RAPGEF5: variants seen among roughly 807,000 people sequenced by gnomAD.
RAPGEF5 encodes the protein M-Ras-regulated GEF.
A neutral mutation model predicts 125.2 loss-of-function variants in RAPGEF5; 65 were observed. The ratio of observed to expected loss-of-function variants is 0.52; its 90% confidence interval spans 0.43 to 0.64. The LOEUF (loss-of-function observed/expected upper bound fraction) is 0.64. Among genes scored for constraint, RAPGEF5 ranks in the 30% least tolerant of loss-of-function variants. The pLI is 0.00. For missense variants in RAPGEF5, 958 were observed against 1,048.1 expected (o/e 0.91, Z 1.19); for synonymous variants, 391 against 385.9 (o/e 1.01, Z -0.16).
chr7:22,139,800 A>G (rs575789950), intron 21 of RAPGEF5: 2 of 437,640 alleles, frequency 4.6e-6, no homozygotes, highest in South Asian at 5.3e-5. Context: ...ACTATCAGGC[A>G]GGACAGAGGG....
chr7:22,161,923 A>C (rs1784014529), intron 13 of RAPGEF5, among the ~76,000 whole-genome samples: 1 of 152,218 alleles, frequency 6.6e-6, no homozygotes, highest in South Asian at 2.1e-4. Context: ...GAAGCCTATT[A>C]ATTAGAAAAA....
intron 11 of RAPGEF5, among the ~76,000 whole-genome samples, chr7:22,168,692 A>C (rs1784249772): frequency 6.6e-6 from 1 of 152,240 alleles, no homozygotes; most frequent in Non-Finnish European, 1.5e-5. Context: ...CAAAACTCTG[A>C]TATACGAGGT....
intron 9 of RAPGEF5, among the ~76,000 whole-genome samples, chr7:22,217,832 G>A (rs1785678166): frequency 1.3e-5 from 2 of 152,178 alleles, no homozygotes; most frequent in South Asian, 4.1e-4. Context: ...AAAAATGTTA[G>A]TGTTCTGTTT....
intron 3 of RAPGEF5, among the ~76,000 whole-genome samples, chr7:22,312,370 A>T (rs1173101378): frequency 6.6e-6 from 1 of 152,036 alleles, no homozygotes; most frequent in Non-Finnish European, 1.5e-5. Flanking sequence ...CACCACGCCC[A>T]GCTAATTCTT....
intron 21 of RAPGEF5, 68 bp from the exon 22 acceptor site, chr7:22,137,051 G>T: frequency 1.7e-6 from 2 of 1,206,484 alleles, no homozygotes; most frequent in East Asian, 2.5e-5. Flanking sequence ...GCATCGAAGG[G>T]AGTTTTCATT....
chr7:22,334,356 T>C lies in RAPGEF5; in HGVS notation c.232-16319A>G, dbSNP rs528333584. ...GGCAGAAAAAAAATGAATACACTAT[T>C]CCTAAGGGCAGCAGTGTAAAACTAA... On this transcript the variant is annotated intron_variant, in intron 1 of 25. Transcript: ENST00000665637. Among the ~76,000 whole-genome samples, 295 of 152,308 alleles carry C rather than the reference T, an allele frequency of 1.9e-3. 3 individuals are homozygous for C. Among genetic ancestry groups the C allele is most frequent in the African/African-American group, 6.6e-3 (274 of 41,572 alleles).
chr7:22,169,857 G>T (rs1481595559), intron 11 of RAPGEF5, among the ~76,000 whole-genome samples: 2 of 324 alleles, frequency 6.2e-3, no homozygotes, highest in African/African-American at 0.01. Context: ...GAGACTCTGT[G>T]TCAAAAAAAA....
chr7:22,155,674 C>A (rs537000863), intron 16 of RAPGEF5, among the ~76,000 whole-genome samples: 1 of 152,132 alleles, frequency 6.6e-6, no homozygotes, highest in Non-Finnish European at 1.5e-5. Context: ...TGGTTGGGTA[C>A]GTCACTAAAA....
chr7:22,297,682 AT>A lies in RAPGEF5; in HGVS notation c.681-6442del, dbSNP rs907443738. 3.9e-5 allele frequency among the ~76,000 whole-genome samples: 6 copies of A among 152,234 alleles called. 1 individual carries two copies. Among genetic ancestry groups the A allele is most frequent in the African/African-American group, 9.6e-5 (4 of 41,526 alleles). On this transcript the variant is annotated intron_variant, in intron 5 of 25. Transcript: ENST00000665637. ...AGAGAGAGGAAGTATTAATCCTGTGATTTTTTTTATGTATATAACTATGTCA... is the reference window on the plus strand; with the variant it reads ...AGAGAGAGGAAGTATTAATCCTGTGATTTTTTTATGTATATAACTATGTCA...
At chr7:22,210,601 C>A (rs1396275668) in intron 9 of RAPGEF5, among the ~76,000 whole-genome samples, 1 of 152,170 alleles carries the variant, frequency 6.6e-6, no homozygotes, top group African/African-American at 2.4e-5. Context: ...TTATTCTCTA[C>A]TATTATGTGT....
At position 22,161,859 on chromosome 7, in the gene RAPGEF5, C is replaced by A. The variant is rs1423022851; in HGVS notation, c.1428+538G>T. Among the ~76,000 whole-genome samples, 3 of 152,172 alleles carry A rather than the reference C, an allele frequency of 2.0e-5. No homozygotes were observed. The East Asian group carries it at 5.8e-4, about 29-fold the overall frequency. ...ATATGATTTTGGTGGCCAAAGGAAT[C>A]CAACTGTCTTACTAATCATCTCTCC... On this transcript the variant is annotated intron_variant, in intron 13 of 25. Coordinates refer to ENST00000665637, the MANE Select transcript of RAPGEF5 (RefSeq NM_012294.5).
At chr7:22,169,863 A>AAAAAAAAAAG (rs1784294798) in intron 11 of RAPGEF5, among the ~76,000 whole-genome samples, 2 of 143,064 alleles carry the variant, frequency 1.4e-5, no homozygotes. Context: ...CTGTGTCAAA[A>AAAAAAAAAAG]AAAAAAAAAA....
At chr7:22,173,560 G>C (rs1047633410) in intron 11 of RAPGEF5, among the ~76,000 whole-genome samples, 6 of 152,076 alleles carry the variant, frequency 3.9e-5, no homozygotes, top group African/African-American at 1.4e-4. Context: ...TACAGACAGG[G>C]CTTGGGGACA....
intron 11 of RAPGEF5, among the ~76,000 whole-genome samples, chr7:22,172,642 A>G (rs960814875): frequency 3.3e-5 from 5 of 152,176 alleles, no homozygotes; most frequent in African/African-American, 9.7e-5. Context: ...GGTACAGACC[A>G]TTTTCATGGA....
rs960188173 is a variant in RAPGEF5 at position 22,155,540 on chromosome 7, C to T, written c.1637-936G>A. On this transcript the variant is annotated intron_variant, in intron 16 of 25. Transcript: ENST00000665637. ...AATTTTATATGCAGTTTAATTGGCA[C>T]CACAAAAATAAACCCAGGAATGTTT... Among the ~76,000 whole-genome samples, 9 of 152,154 alleles carry T rather than the reference C, an allele frequency of 5.9e-5. No homozygotes were observed. In the East Asian group the frequency reaches 1.7e-3, roughly 29 times the overall value.
intron 7 of RAPGEF5, among the ~76,000 whole-genome samples, chr7:22,254,132 A>T (rs919334505): frequency 1.3e-5 from 2 of 152,176 alleles, no homozygotes; most frequent in African/African-American, 4.8e-5. Flanking sequence ...GTCCAGTTTC[A>T]AACCTCACAA....
intron 1 of RAPGEF5, among the ~76,000 whole-genome samples, chr7:22,344,715 C>T (rs948991154): frequency 1.3e-5 from 2 of 152,230 alleles, no homozygotes; most frequent in Non-Finnish European, 2.9e-5. Flanking sequence ...ACAGAATAGC[C>T]AGCATAGCTG....
At chr7:22,182,038 A>C (rs1784689981) in intron 11 of RAPGEF5, among the ~76,000 whole-genome samples, 1 of 152,208 alleles carries the variant, frequency 6.6e-6, no homozygotes, top group Non-Finnish European at 1.5e-5. Context: ...CAGTGACTGT[A>C]ATCAACAAAT....
intron 12 of RAPGEF5, among the ~76,000 whole-genome samples, chr7:22,164,029 A>G (rs1004598682): frequency 6.6e-6 from 1 of 152,170 alleles, no homozygotes; most frequent in Non-Finnish European, 1.5e-5. Context: ...CTTGAAAGGC[A>G]AAATATAATA....
Sources: allele counts gnomAD v4.1 joint callset (sites outside exome capture counted in the v4.1 genomes callset), GRCh38; gene constraint gnomAD v4.1.1; transcripts MANE v1.5; gene names NCBI Gene and HGNC (gene_info 2026-07-23, HGNC 2026-07-21).